The following CEP85L variants were observed in gnomAD, a reference collection of about 807,000 sequenced individuals.
The protein encoded by CEP85L is centrosomal protein 85L.
Under a neutral mutation model 100.3 loss-of-function variants are expected in CEP85L, and 60 were observed. That is an observed-to-expected ratio of 0.60 (90% CI 0.49 to 0.74). CEP85L has a LOEUF of 0.74. Among genes scored for constraint, CEP85L ranks in the 30% least tolerant of loss-of-function variants. The pLI, the probability that CEP85L is intolerant of heterozygous loss-of-function variation, is 0.00. For missense variants in CEP85L, 973 were observed against 936.2 expected (o/e 1.04, Z -0.51); for synonymous variants, 319 against 322.7 (o/e 0.99, Z 0.12).
At chr6:118,516,937 AG>A (rs1386777752) in intron 4 of CEP85L, among the ~76,000 whole-genome samples, 1 of 152,174 alleles carries the variant, frequency 6.6e-6, no homozygotes, top group Non-Finnish European at 1.5e-5. Flanking sequence ...GGTGTAAGGA[AG>A]GGGTTCAGTT....
intron 3 of CEP85L, among the ~76,000 whole-genome samples, chr6:118,530,133 A>G (rs1777209332): frequency 1.3e-5 from 2 of 152,178 alleles, no homozygotes; most frequent in South Asian, 4.1e-4. Context: ...ATTTAATAGC[A>G]TATCTCATAT....
intron 6 of CEP85L, among the ~76,000 whole-genome samples, chr6:118,488,617 T>C (rs192087354): frequency 6.6e-6 from 1 of 152,136 alleles, no homozygotes; most frequent in East Asian, 1.9e-4. Context: ...AGAAAGCTTA[T>C]TCAAAGAAAT....
intron 1 of CEP85L, among the ~76,000 whole-genome samples, chr6:118,642,052 AG>A (rs1330305680): frequency 1.3e-5 from 2 of 152,222 alleles, no homozygotes; most frequent in African/African-American, 2.4e-5. Flanking sequence ...ACTAAAAAAA[AG>A]GATGCCAATT....
chr6:118,607,687 T>G (rs1247683874), intron 2 of CEP85L, among the ~76,000 whole-genome samples: 1 of 151,888 alleles, frequency 6.6e-6, no homozygotes, highest in Non-Finnish European at 1.5e-5. Context: ...AGACTCTAAC[T>G]CCCCTAAGTT....
intron 1 of CEP85L, among the ~76,000 whole-genome samples, chr6:118,691,198 T>C (rs1211937989): frequency 1.4e-5 from 1 of 71,314 alleles, no homozygotes; most frequent in Non-Finnish European, 3.4e-5. Flanking sequence ...GTGGATCACC[T>C]GAGATCAGGA....
intron 1 of CEP85L, among the ~76,000 whole-genome samples, chr6:118,676,468 T>G (rs1442845781): frequency 6.6e-6 from 1 of 152,234 alleles, no homozygotes; most frequent in Non-Finnish European, 1.5e-5. Context: ...CTTATTTTAC[T>G]TAGCATAATG....
Position 118,470,616 on chromosome 6 carries a change from T to G in CEP85L, c.1943A>C (p.Lys648Thr). Residue 648 changes from lysine to threonine, a missense_variant, in exon 11 of 13, where the codon AAA becomes ACA. Transcript: ENST00000368491. Reference protein sequence around the residue: ...QSMQGKLSKEKLTTQKMMEEL... With the variant: ...QSMQGKLSKETLTTQKMMEEL... ...TTCCATCATCTTTTGAGTGGTCAGTTTCTCTTTAGAAAGCTTTCCTTGCAT... is the reference window on the plus strand; with the variant it reads ...TTCCATCATCTTTTGAGTGGTCAGTGTCTCTTTAGAAAGCTTTCCTTGCAT... 6.2e-7 allele frequency: 1 copy of G among 1,604,604 alleles called. No individual in the cohort carries two copies. Among genetic ancestry groups the G allele is most frequent in the East Asian group, 2.3e-5 (1 of 44,140 alleles).
At chr6:118,493,769 G>T (rs1774724677) in intron 5 of CEP85L, among the ~76,000 whole-genome samples, 1 of 152,064 alleles carries the variant, frequency 6.6e-6, no homozygotes, top group South Asian at 2.1e-4. Context: ...AGAAAAATAG[G>T]TTATACTTAA....
chr6:118,588,802 C>T (rs1446062314), intron 2 of CEP85L, among the ~76,000 whole-genome samples: 1 of 152,180 alleles, frequency 6.6e-6, no homozygotes, highest in African/African-American at 2.4e-5. Flanking sequence ...CCAAACCACA[C>T]ATGGACATGC....
chr6:118,558,626 T>TACACACACACACAC (rs371775061), intron 3 of CEP85L, among the ~76,000 whole-genome samples: 62 of 111,654 alleles, frequency 5.6e-4, no homozygotes, highest in South Asian at 1.9e-3. Flanking sequence ...CACGTGCACA[T>TACACACACACACAC]ACACACACAC....
rs1292862382 is a variant in CEP85L at position 118,470,543 on chromosome 6, C to T, written c.2016G>A (p.Leu672=). ...ERNVQRLTKA[L]LENQRQTDET... is the part of the protein sequence containing the mutation. Reference sequence around the variant, plus strand: ...TTGAATTTCTTCTACTCACTTCAAGCAATGCTTTTGTTAATCTCTGTACAT... The same window carrying T: ...TTGAATTTCTTCTACTCACTTCAAGTAATGCTTTTGTTAATCTCTGTACAT... Residue 672 remains leucine, a synonymous_variant, in exon 11 of 13, where the codon TTG becomes TTA. Coordinates refer to ENST00000368491, the MANE Select transcript of CEP85L (RefSeq NM_001042475.3). 1 of 1,577,086 alleles carries T rather than the reference C, an allele frequency of 6.3e-7. No homozygotes were observed. Among genetic ancestry groups the T allele is most frequent in the Non-Finnish European group, 8.6e-7 (1 of 1,159,750 alleles).
intron 1 of CEP85L, among the ~76,000 whole-genome samples, chr6:118,658,088 A>G (rs1775858698): frequency 6.6e-6 from 1 of 152,162 alleles, no homozygotes; most frequent in African/African-American, 2.4e-5. Context: ...AATCTGAGCT[A>G]ATTTAAGGAG....
At chr6:118,537,690 G>A in intron 3 of CEP85L, 1 of 985,330 alleles carries the variant, frequency 1.0e-6, no homozygotes, top group Non-Finnish European at 1.2e-6. Context: ...TTACTGTAGT[G>A]CAGCTGAAAA....
intron 1 of CEP85L, among the ~76,000 whole-genome samples, chr6:118,705,015 C>T (rs779672564): frequency 5.9e-5 from 9 of 152,136 alleles, no homozygotes; most frequent in Non-Finnish European, 1.2e-4. Context: ...CTCCCAACCA[C>T]ATCTGTTTTA....
At chr6:118,659,927 C>T (rs552043050) in intron 1 of CEP85L, among the ~76,000 whole-genome samples, 4 of 152,324 alleles carry the variant, frequency 2.6e-5, no homozygotes, top group African/African-American at 9.6e-5. Flanking sequence ...AGCAATGCCA[C>T]GTTAGCTTCA....
In CEP85L at chr6:118,646,884, G is replaced by A. The variant is rs552646098; in HGVS notation, c.73+4313C>T. On this transcript the variant is annotated intron_variant, in intron 1 of 12. Coordinates refer to ENST00000368491, the MANE Select transcript of CEP85L (RefSeq NM_001042475.3). ...TTCACACACATAAATATTACAACAT[G>A]ACAATAGAGGTTATCAACTCACCAT... 29 of 963,346 alleles carry A rather than the reference G, an allele frequency of 3.0e-5. No individual in the cohort carries two copies. The East Asian group carries it at 3.3e-3, about 110-fold the overall frequency. The allele number at this position is 963,346 out of a possible 1,614,324, so 59.7% of individuals were successfully genotyped here.
chr6:118,662,904 T>G (rs147239465), intron 1 of CEP85L, among the ~76,000 whole-genome samples: 3,850 of 152,252 alleles, frequency 0.025, 59 homozygotes, highest in Non-Finnish European at 0.04. Context: ...TTCATCCTGA[T>G]ATAGTGGAAA....
chr6:118,511,389 T>C lies in CEP85L; in HGVS notation c.1166A>G (p.His389Arg). 1 of 1,612,608 alleles carries C rather than the reference T, an allele frequency of 6.2e-7. No individual in the cohort carries two copies. The highest frequency in any genetic ancestry group is 8.5e-7 in the Non-Finnish European group (1 of 1,179,028). ...TAATTCATTATCCCTTATCCTCTCA[T>C]GCAGGTGGGTAATTTGTTGCTTCTG... Reference protein sequence around the residue: ...DRQKQQITHLHERIRDNELRA... With the variant: ...DRQKQQITHLRERIRDNELRA... Residue 389 changes from histidine to arginine, a missense_variant, in exon 5 of 13, where the codon CAT becomes CGT. His to Arg is a conservative substitution (Grantham distance 29, BLOSUM62 0). Coordinates refer to ENST00000368491, the MANE Select transcript of CEP85L (RefSeq NM_001042475.3).
intron 6 of CEP85L, among the ~76,000 whole-genome samples, chr6:118,490,202 T>C (rs1774464729): frequency 6.6e-6 from 1 of 152,022 alleles, no homozygotes; most frequent in East Asian, 1.9e-4. Flanking sequence ...AGCAGGGAAG[T>C]GGGAGTTACT....
Sources: gnomAD v4.1 joint callset for allele counts (sites outside exome capture counted in the v4.1 genomes callset) on GRCh38, gnomAD v4.1.1 for gene constraint, MANE v1.5 for transcripts, NCBI Gene and HGNC (gene_info 2026-07-23, HGNC 2026-07-21) for gene names.